The following PHF3 variants were observed in gnomAD, a reference collection of about 807,000 sequenced individuals.
PHF3 encodes the protein PHD finger protein 3.
In PHF3, 41 loss-of-function variants were observed where a neutral mutation model predicts 178.4. That is an observed-to-expected ratio of 0.23 (90% confidence interval 0.18 to 0.30). PHF3 has a LOEUF of 0.30. PHF3 is among the 10% of genes least tolerant of loss of function. The probability of loss-of-function intolerance (pLI) is 1.00; values close to 1 mark genes in which losing one functional copy is unlikely to be tolerated. For synonymous variants in PHF3, 842 were observed against 800.5 expected (o/e 1.05, Z -0.88); for missense variants, 2,346 against 2,398.1 (o/e 0.98, Z 0.45).
At chr6:63,666,850 C>T (rs1011861156) in intron 2 of PHF3, among the ~76,000 whole-genome samples, 2 of 151,278 alleles carry the variant, frequency 1.3e-5, no homozygotes, top group Non-Finnish European at 2.9e-5. Context: ...CTCCCGGGTT[C>T]AAGCCATTCT....
rs1768261039 is a variant in PHF3, at chr6:63,718,623, A to G, written c.*4915A>G. Among the ~76,000 whole-genome samples, 1 of 151,960 alleles carries G rather than the reference A, an allele frequency of 6.6e-6. No homozygotes were observed. Among genetic ancestry groups the G allele is most frequent in the African/African-American group, 2.4e-5 (1 of 41,398 alleles). On this transcript the variant is annotated 3_prime_UTR_variant, in exon 16 of 16. Coordinates refer to ENST00000262043, the MANE Select transcript of PHF3 (RefSeq NM_001370348.2). ...TTTGTAGTATGTCATTTTATTTGAA[A>G]TATATGAAGAAAATCTGGCTATATG...
chr6:63,682,383 C>T (rs771635394), intron 3 of PHF3, among the ~76,000 whole-genome samples: 11 of 152,144 alleles, frequency 7.2e-5, no homozygotes, highest in Middle Eastern at 3.4e-3. Context: ...TTATTAATTA[C>T]TTTTGGGTCT....
chr6:63,694,803 T>A (rs756232826), intron 6 of PHF3, 39 bp downstream of exon 6: 5 of 1,099,710 alleles, frequency 4.5e-6, no homozygotes, highest in Non-Finnish European at 5.9e-6. Flanking sequence ...ACTAATATAT[T>A]TATATCTTAT....
Position 63,718,834 on chromosome 6 carries a change from C to T in PHF3, c.*5126C>T, listed in dbSNP as rs999606501. On this transcript the variant is annotated 3_prime_UTR_variant, in exon 16 of 16. Coordinates refer to ENST00000262043, the MANE Select transcript of PHF3 (RefSeq NM_001370348.2). ...CTTTTGTAAGCTTTCATAAAACAGC[C>T]TTCTTTTTATACATAAAGTATGTTT... is the stretch of plus-strand genomic sequence containing the variant. Among the ~76,000 whole-genome samples the T allele has an allele frequency of 6.6e-6, 1 of 151,948 alleles. No homozygotes were observed. Among genetic ancestry groups the T allele is most frequent in the Non-Finnish European group, 1.5e-5 (1 of 67,940 alleles).
chr6:63,688,345 T>A (rs1413820218), intron 4 of PHF3, among the ~76,000 whole-genome samples: 21 of 3,010 alleles, frequency 7.0e-3, no homozygotes, highest in Non-Finnish European at 0.011. Flanking sequence ...CCTCCTCTTC[T>A]CTTGTTTTTA....
At chr6:63,688,988 A>G (rs1766875568) in intron 4 of PHF3, among the ~76,000 whole-genome samples, 1 of 152,206 alleles carries the variant, frequency 6.6e-6, no homozygotes. Context: ...CCAGTTGGAA[A>G]TTATATTTTG....
intron 1 of PHF3, among the ~76,000 whole-genome samples, chr6:63,644,932 C>A (rs993336014): frequency 2.0e-5 from 3 of 150,594 alleles, no homozygotes; most frequent in Admixed American, 6.6e-5. Context: ...TTTTGCCAGG[C>A]TGGAGTGCAG....
Position 63,720,134 on chromosome 6 carries a change from GGTTACATTGCTTT to G in PHF3, c.*6429_*6441del, listed in dbSNP as rs944709639. The G allele has an allele frequency of 6.0e-6, 1 of 165,890 alleles. No individual in the cohort carries two copies. Among genetic ancestry groups the G allele is most frequent in the African/African-American group, 2.4e-5 (1 of 42,148 alleles). 10.3% of individuals were successfully genotyped at this position (165,890 alleles called of 1,614,324 possible). On this transcript the variant is annotated 3_prime_UTR_variant, in exon 16 of 16. Coordinates refer to ENST00000262043, the MANE Select transcript of PHF3 (RefSeq NM_001370348.2). The stretch of plus-strand genomic sequence containing the variant: ...GTAGCTAAGCCATGTAATACAATAT[GGTTACATTGCTTT>G]GTATAATTTTTATTTTTCCTTTGAT...
intron 5 of PHF3, among the ~76,000 whole-genome samples, chr6:63,692,822 C>G (rs559663547): frequency 6.6e-6 from 1 of 152,240 alleles, no homozygotes; most frequent in South Asian, 2.1e-4. Context: ...ATCTAATTGT[C>G]AGAAAGTTGA....
At position 63,637,538 on chromosome 6, in the gene PHF3, G is replaced by C. The variant is rs560165333; in HGVS notation, c.-26+1388G>C. Among the ~76,000 whole-genome samples, 3 of 152,158 alleles carry C rather than the reference G, an allele frequency of 2.0e-5. No individual in the cohort carries two copies. The East Asian group carries it at 5.8e-4, about 29-fold the overall frequency. On this transcript the variant is annotated intron_variant, in intron 1 of 15. Transcript: ENST00000262043. ...GTAAAGATTATTGTTATTTTAAATA[G>C]TAATTTTAAAGTTTAGTTATCACTT...
Position 63,720,923 on chromosome 6 carries a change from A to G in PHF3, c.*7215A>G. On this transcript the variant is annotated 3_prime_UTR_variant, in exon 16 of 16. Coordinates refer to ENST00000262043, the MANE Select transcript of PHF3 (RefSeq NM_001370348.2). ...GCCATTTATTACAACAGAATGTGCC[A>G]TTGTTATAGCTCATAGGCACAGAGA... The G allele has an allele frequency of 6.4e-7, 1 of 1,551,156 alleles. No homozygotes were observed.
intron 1 of PHF3, among the ~76,000 whole-genome samples, chr6:63,639,692 T>G (rs1025140752): frequency 6.6e-5 from 10 of 152,164 alleles, no homozygotes; most frequent in African/African-American, 2.4e-4. Flanking sequence ...CAGTTTGCTC[T>G]AAAGAGAAAG....
rs957199594 is a variant in PHF3 at position 63,717,273 on chromosome 6, A to T, written c.*3565A>T. On this transcript the variant is annotated 3_prime_UTR_variant, in exon 16 of 16. Coordinates refer to ENST00000262043, the MANE Select transcript of PHF3 (RefSeq NM_001370348.2). ...TTTTTAAAGTTTATGAACCAAACTT[A>T]AATGCATTATGAGAGCTTGATAATG... is the stretch of plus-strand genomic sequence containing the variant. Among the ~76,000 whole-genome samples, 1 of 152,068 alleles carries T rather than the reference A, an allele frequency of 6.6e-6. No homozygotes were observed. Among genetic ancestry groups the T allele is most frequent in the African/African-American group, 2.4e-5 (1 of 41,432 alleles).
intron 4 of PHF3, chr6:63,686,231 G>A (rs1053495919): frequency 1.5e-4 from 41 of 271,320 alleles, no homozygotes; most frequent in Admixed American, 1.2e-3. Context: ...CTGGTAATTG[G>A]AAAATTGTTA....
intron 4 of PHF3, among the ~76,000 whole-genome samples, chr6:63,691,006 A>C (rs1228380047): frequency 1.3e-5 from 2 of 152,178 alleles, no homozygotes; most frequent in Admixed American, 6.5e-5. Context: ...CCCAAGTACT[A>C]ATATTTTTAT....
At chr6:63,707,941 G>C (rs1234316439) in intron 13 of PHF3, among the ~76,000 whole-genome samples, 1 of 151,786 alleles carries the variant, frequency 6.6e-6, no homozygotes, top group Non-Finnish European at 1.5e-5. Context: ...ATCTTGGCTT[G>C]CTGCAATGTC....
chr6:63,685,523 C>T lies in PHF3; in HGVS notation c.1801C>T (p.His601Tyr). The T allele has an allele frequency of 6.2e-7, 1 of 1,614,096 alleles. No homozygotes were observed. Among genetic ancestry groups the T allele is most frequent in the Non-Finnish European group, 8.5e-7 (1 of 1,180,012 alleles). ...PLTHSLSDKS[H>Y]AHPGCLKEPH... Reference sequence around the variant, plus strand: ...AACTCATTCTTTGAGTGATAAGTCACACGCTCATCCTGGTTGCTTGAAAGA... The same window carrying T: ...AACTCATTCTTTGAGTGATAAGTCATACGCTCATCCTGGTTGCTTGAAAGA... Residue 601 changes from histidine to tyrosine, a missense_variant, in exon 4 of 16, where the codon CAC (histidine) becomes TAC (tyrosine). Transcript: ENST00000262043.
chr6:63,673,520 T>C (rs1291623707), intron 2 of PHF3, among the ~76,000 whole-genome samples: 2 of 152,186 alleles, frequency 1.3e-5, no homozygotes, highest in Non-Finnish European at 2.9e-5. Flanking sequence ...AAGCAAGACC[T>C]AGCTCACTTC....
intron 2 of PHF3, among the ~76,000 whole-genome samples, chr6:63,662,220 G>A (rs764036308): frequency 6.6e-6 from 1 of 152,034 alleles, no homozygotes; most frequent in Non-Finnish European, 1.5e-5. Flanking sequence ...AAAAGGTTGG[G>A]GGCCACTGCT....
Sources: gnomAD v4.1 joint callset for allele counts (sites outside exome capture counted in the v4.1 genomes callset) on GRCh38, gnomAD v4.1.1 for gene constraint, MANE v1.5 for transcripts, NCBI Gene and HGNC (gene_info 2026-07-23, HGNC 2026-07-21) for gene names.